MLLT10: variants seen among roughly 807,000 people sequenced by gnomAD.
The protein encoded by MLLT10 is MLLT10 histone lysine methyltransferase DOT1L cofactor.
In MLLT10, 30 loss-of-function variants were observed where a neutral mutation model predicts 129.1. The ratio of observed to expected loss-of-function variants is 0.23; its 90% CI spans 0.17 to 0.32. MLLT10 has a LOEUF of 0.32. Ranked by LOEUF, MLLT10 falls within the 10% of genes least tolerant of loss-of-function variation. The probability of loss-of-function intolerance (pLI) is 1.00; values close to 1 mark genes in which losing one functional copy is unlikely to be tolerated. For missense variants in MLLT10, 1,119 were observed against 1,268.3 expected, an observed-to-expected ratio of 0.88 and a Z score of 1.79; for synonymous variants, 490 against 446.4, an observed-to-expected ratio of 1.10 and a Z score of -1.23.
chr10:21,707,482 C>T (rs895318461), intron 13 of MLLT10, among the ~76,000 whole-genome samples: 43 of 152,126 alleles, frequency 2.8e-4, no homozygotes, highest in African/African-American at 9.4e-4. Flanking sequence ...TGAGCCACTG[C>T]GCCCGGCCAA....
At chr10:21,662,600 AC>A (rs1420588922) in intron 9 of MLLT10, among the ~76,000 whole-genome samples, 2 of 152,196 alleles carry the variant, frequency 1.3e-5, no homozygotes, top group East Asian at 3.9e-4. Flanking sequence ...CATGTTGTCT[AC>A]CTTTTCCATT....
At chr10:21,578,669 T>C (rs1456595574) in intron 3 of MLLT10, among the ~76,000 whole-genome samples, 2 of 152,232 alleles carry the variant, frequency 1.3e-5, no homozygotes, top group African/African-American at 4.8e-5. Flanking sequence ...TTAATTCTTT[T>C]GCACATTCCT....
At chr10:21,569,320 A>G (rs1418288594) in intron 3 of MLLT10, among the ~76,000 whole-genome samples, 1 of 150,478 alleles carries the variant, frequency 6.6e-6, no homozygotes, top group African/African-American at 2.5e-5. Flanking sequence ...AGTGGCATGC[A>G]CAATCATAGC....
chr10:21,561,261 A>T (rs1160166141), intron 3 of MLLT10, among the ~76,000 whole-genome samples: 4 of 151,888 alleles, frequency 2.6e-5, no homozygotes, highest in Admixed American at 6.6e-5. Context: ...ATATTTATTT[A>T]TTTGAGACGG....
chr10:21,617,764 C>T (rs905613429), intron 8 of MLLT10, among the ~76,000 whole-genome samples: 2 of 152,172 alleles, frequency 1.3e-5, no homozygotes, highest in Non-Finnish European at 2.9e-5. Flanking sequence ...TTCCCGCTTA[C>T]ATTTTTACTT....
intron 10 of MLLT10, 194 bp downstream of exon 10, chr10:21,670,898 C>A (rs2051328588): frequency 5.6e-6 from 3 of 534,672 alleles, no homozygotes; most frequent in Non-Finnish European, 3.1e-6. Context: ...CTTTTTCTTT[C>A]CTTTTATAAT....
Position 21,594,288 on chromosome 10 carries a change from G to C in MLLT10, c.296-1043G>C, listed in dbSNP as rs183843389. ...CCTTCAGGCTGAGCGTGGTGCTCATGCCTGTAATCCCATCACTTGGGGAGG... is the reference window on the plus strand; with the variant it reads ...CCTTCAGGCTGAGCGTGGTGCTCATCCCTGTAATCCCATCACTTGGGGAGG... On this transcript the variant is annotated intron_variant, in intron 4 of 22. Transcript: ENST00000307729. Among the ~76,000 whole-genome samples, 724 of 152,054 alleles carry C rather than the reference G, an allele frequency of 4.8e-3. 5 individuals carry two copies. Among genetic ancestry groups the C allele is most frequent in the African/African-American group, 0.017 (695 of 41,458 alleles).
At position 21,617,325 on chromosome 10, in the gene MLLT10, A is replaced by C. The variant is rs2045365082; in HGVS notation, c.699+118A>C. 25 of 409,210 alleles carry C rather than the reference A, an allele frequency of 6.1e-5. 1 individual carries two copies. In the South Asian group the frequency reaches 1.7e-3, roughly 27 times the overall value. The allele number at this position is 409,210 out of a possible 1,614,324, so 25.3% of individuals were successfully genotyped here. On this transcript the variant is annotated intron_variant, in intron 8 of 22. Transcript: ENST00000307729. The stretch of plus-strand genomic sequence containing the variant: ...AATGGAGACATTGAAATATAGAAAC[A>C]TTTTGGCTAATAAAGAGTATTTAAT...
rs527432567 is a variant in MLLT10, at chr10:21,664,290, G to GT, written c.796-6149dup. On this transcript the variant is annotated intron_variant, in intron 9 of 22. Transcript: ENST00000307729. The stretch of plus-strand genomic sequence containing the variant: ...ATCTTGTTAAACATTCTATGTATGT[G>GT]TTTTTTTTTTGTTTGCTTTTTGTTT... 7.3e-3 allele frequency among the ~76,000 whole-genome samples: 1,022 copies of GT among 140,192 alleles called. 12 individuals are homozygous for GT. Among genetic ancestry groups the GT allele is most frequent in the African/African-American group, 0.015 (586 of 38,342 alleles). 92.0% of individuals were successfully genotyped at this position (140,192 alleles called of 152,430 possible).
intron 9 of MLLT10, among the ~76,000 whole-genome samples, chr10:21,666,657 GT>G (rs1275840343): frequency 6.7e-6 from 1 of 149,184 alleles, no homozygotes; most frequent in Non-Finnish European, 1.5e-5. Context: ...GCAAGACTCT[GT>G]CTCAAAAAAA....
chr10:21,617,508 G>A (rs868033695), intron 8 of MLLT10, among the ~76,000 whole-genome samples: 1 of 152,004 alleles, frequency 6.6e-6, no homozygotes, highest in East Asian at 1.9e-4. Flanking sequence ...ATAATAGTTC[G>A]TTGCTATATA....
chr10:21,563,336 C>G lies in MLLT10; in HGVS notation c.241-22958C>G, dbSNP rs532910096. Among the ~76,000 whole-genome samples the G allele has an allele frequency of 1.8e-4, 28 of 152,122 alleles. 1 individual carries two copies. The highest frequency in any genetic ancestry group is 1.6e-3 in the Admixed American group (24 of 15,264). On this transcript the variant is annotated intron_variant, in intron 3 of 22. Transcript: ENST00000307729. ...GTCAGGAGTTTGAAACCAGCCTAGA[C>G]AACATGGTGAAACCTGTCTCTACTA...
intron 3 of MLLT10, among the ~76,000 whole-genome samples, chr10:21,540,026 A>G (rs1350762982): frequency 2.0e-5 from 3 of 152,026 alleles, no homozygotes; most frequent in Non-Finnish European, 4.4e-5. Flanking sequence ...AAGCCGAGGC[A>G]GGAGGATTGC....
chr10:21,578,053 G>A (rs1201713456), intron 3 of MLLT10, among the ~76,000 whole-genome samples: 3 of 151,754 alleles, frequency 2.0e-5, no homozygotes, highest in Admixed American at 1.3e-4. Context: ...CCGCCATCAC[G>A]CTTGGCTAAT....
At chr10:21,603,377 C>G (rs982883853) in intron 5 of MLLT10, among the ~76,000 whole-genome samples, 2 of 151,964 alleles carry the variant, frequency 1.3e-5, no homozygotes, top group Non-Finnish European at 2.9e-5. Flanking sequence ...TGATCAATTT[C>G]TTTTATGCCT....
intron 21 of MLLT10, among the ~76,000 whole-genome samples, 194 bp from the exon 22 acceptor site, chr10:21,739,836 A>G (rs1564760161): frequency 6.6e-6 from 1 of 152,268 alleles, no homozygotes; most frequent in East Asian, 1.9e-4. Flanking sequence ...TTTGAAAATA[A>G]GCTGTTTGCT....
In MLLT10 at chr10:21,612,437, T is replaced by G; in HGVS notation, c.495T>G (p.Ala165=). 1 of 1,609,836 alleles carries G rather than the reference T, an allele frequency of 6.2e-7. No individual in the cohort carries two copies. The highest frequency in any genetic ancestry group is 8.5e-7 in the Non-Finnish European group (1 of 1,177,002). ...GTAATAAACATGGATGTCGACAGGC[T>G]TTCCATGTAACATGGTAAGGATGTT... The part of the protein sequence containing the change: ...MTCNKHGCRQ[A]FHVTCAQFAG... The change falls in exon 6 of 23, where the codon GCT becomes GCG. Residue 165 remains alanine, a synonymous_variant. Coordinates refer to ENST00000307729, the MANE Select transcript of MLLT10 (RefSeq NM_001195626.3).
chr10:21,643,284 C>T (rs1460554043), intron 8 of MLLT10, among the ~76,000 whole-genome samples: 3 of 152,192 alleles, frequency 2.0e-5, no homozygotes, highest in Non-Finnish European at 4.4e-5. Context: ...CTGCCCACCT[C>T]GGCCTTCCAA....
chr10:21,707,092 C>T (rs2055586563), intron 13 of MLLT10, among the ~76,000 whole-genome samples: 1 of 151,990 alleles, frequency 6.6e-6, no homozygotes, highest in Admixed American at 6.6e-5. Context: ...CAGTTTTTAC[C>T]ATCTCAGTAA....
Sources: gnomAD v4.1 joint callset for allele counts (sites outside exome capture counted in the v4.1 genomes callset) on GRCh38, gnomAD v4.1.1 for gene constraint, MANE v1.5 for transcripts, NCBI Gene and HGNC (gene_info 2026-07-23, HGNC 2026-07-21) for gene names.